COL28A1: variants seen among roughly 807,000 people sequenced by gnomAD.
The protein encoded by COL28A1 is collagen alpha-1(XXVIII) chain.
Under a neutral mutation model 150.2 loss-of-function variants are expected in COL28A1, and 161 were observed. The ratio of observed to expected loss-of-function variants is 1.07; its 90% CI spans 0.94 to 1.22. The LOEUF is 1.22. Among genes scored for constraint, COL28A1 ranks in the 50% most tolerant of loss-of-function variants. The pLI is 0.00. For synonymous variants in COL28A1, 552 were observed against 469.7 expected (o/e 1.18, Z -2.26); for missense variants, 1,617 against 1,388.3 (o/e 1.16, Z -2.62).
At chr7:7,454,582 A>C (rs1786990827) in intron 16 of COL28A1, among the ~76,000 whole-genome samples, 1 of 152,132 alleles carries the variant, frequency 6.6e-6, no homozygotes, top group South Asian at 2.1e-4. Flanking sequence ...GCTGAAGAAC[A>C]ACAACCTCCA....
At chr7:7,391,689 A>G (rs138405161) in intron 27 of COL28A1, among the ~76,000 whole-genome samples, 1 of 152,026 alleles carries the variant, frequency 6.6e-6, no homozygotes, top group Non-Finnish European at 1.5e-5. Flanking sequence ...TATTTAGGTT[A>G]GCTCTTCATG....
In COL28A1 at chr7:7,417,237, G is replaced by A. The variant is rs1391391601; in HGVS notation, c.2136+622C>T. Among the ~76,000 whole-genome samples, 3 of 151,894 alleles carry A rather than the reference G, an allele frequency of 2.0e-5. No homozygotes were observed. The East Asian group carries it at 5.8e-4, about 29-fold the overall frequency. On this transcript the variant is annotated intron_variant, in intron 27 of 34. Coordinates refer to ENST00000399429, the MANE Select transcript of COL28A1 (RefSeq NM_001037763.3). The stretch of plus-strand genomic sequence containing the variant: ...TTGTTGCTGCTGACGCAGAAGCAAA[G>A]TGACATGCAGATGGCTATGAATTCC...
At chr7:7,392,257 G>A (rs2128294673) in intron 27 of COL28A1, among the ~76,000 whole-genome samples, 1 of 152,296 alleles carries the variant, frequency 6.6e-6, no homozygotes, top group East Asian at 1.9e-4. Flanking sequence ...GGCTGGATAT[G>A]AAATTCTGGG....
intron 9 of COL28A1, among the ~76,000 whole-genome samples, chr7:7,509,863 G>A (rs534616500): frequency 9.7e-4 from 147 of 152,242 alleles, no homozygotes; most frequent in Non-Finnish European, 1.6e-3. Flanking sequence ...ACTCCAGGAA[G>A]AATCTATTCA....
intron 15 of COL28A1, among the ~76,000 whole-genome samples, chr7:7,457,157 G>A (rs1447469200): frequency 6.6e-6 from 1 of 152,146 alleles, no homozygotes; most frequent in African/African-American, 2.4e-5. Context: ...GTAAGGACTT[G>A]GCTATCCTCT....
At chr7:7,425,853 G>C (rs961298318) in intron 25 of COL28A1, among the ~76,000 whole-genome samples, 2 of 152,130 alleles carry the variant, frequency 1.3e-5, no homozygotes, top group African/African-American at 4.8e-5. Context: ...AAGGTTTCAA[G>C]GTGGAGCAGT....
rs1219194818 is a variant in COL28A1 at position 7,373,560 on chromosome 7, G to A, written c.2360-14C>T. 1.3e-6 allele frequency: 2 copies of A among 1,594,816 alleles called. No homozygotes were observed. Among genetic ancestry groups the A allele is most frequent in the Admixed American group, 3.4e-5 (2 of 58,842 alleles). On this transcript the variant is annotated splice_polypyrimidine_tract_variant and intron_variant, in intron 31 of 34. Coordinates refer to ENST00000399429, the MANE Select transcript of COL28A1 (RefSeq NM_001037763.3). The surrounding 1 kb of genome is among the most constrained non-coding windows in gnomAD (Gnocchi z 4.1). ...TGGGCCCACAACCTAAAAGATGAAT[G>A]TTGAGAGAGAAAAATTGTGGGAATG...
chr7:7,412,346 G>A (rs1434395254), intron 27 of COL28A1, among the ~76,000 whole-genome samples: 2 of 152,086 alleles, frequency 1.3e-5, no homozygotes, highest in African/African-American at 4.8e-5. Context: ...ACATTGGACG[G>A]TTATGTGAGC....
intron 18 of COL28A1, among the ~76,000 whole-genome samples, chr7:7,448,736 G>T (rs933601289): frequency 6.6e-6 from 1 of 151,810 alleles, no homozygotes; most frequent in African/African-American, 2.4e-5. Context: ...TAAATAAATT[G>T]TGGTATATCC....
intron 27 of COL28A1, among the ~76,000 whole-genome samples, chr7:7,398,464 T>C (rs1782973385): frequency 2.0e-5 from 3 of 152,230 alleles, no homozygotes; most frequent in African/African-American, 7.2e-5. Flanking sequence ...GATTGCTTCA[T>C]GGATACATGC....
chr7:7,542,264 C>T, the COL28A1 span, among the ~76,000 whole-genome samples: 1,046 of 152,286 alleles, frequency 6.9e-3, 11 homozygotes, highest in East Asian at 0.014. Context: ...AGGAGAATTG[C>T]TTGAACCAGT....
intron 13 of COL28A1, among the ~76,000 whole-genome samples, chr7:7,485,742 G>A (rs1023052041): frequency 6.6e-6 from 1 of 152,110 alleles, no homozygotes; most frequent in South Asian, 2.1e-4. Context: ...CTATTGGATT[G>A]CTTTCACAAT....
intron 27 of COL28A1, among the ~76,000 whole-genome samples, chr7:7,400,975 G>GGTGGGT (rs1554264683): frequency 7.6e-5 from 9 of 119,128 alleles, no homozygotes; most frequent in Admixed American, 4.4e-4. Context: ...TGGGTATTTG[G>GGTGGGT]GTGTGTGTGT....
intron 11 of COL28A1, among the ~76,000 whole-genome samples, chr7:7,499,644 T>C (rs894511327): frequency 9.2e-5 from 14 of 152,154 alleles, no homozygotes; most frequent in Admixed American, 7.2e-4. Context: ...TGTTAGGAAA[T>C]TGTTAGGTTT....
At chr7:7,397,955 T>G (rs17456602) in intron 27 of COL28A1, among the ~76,000 whole-genome samples, 4,515 of 152,324 alleles carry the variant, frequency 0.03, 106 homozygotes, top group Non-Finnish European at 0.047. Flanking sequence ...TATTTTTGCA[T>G]TTGCCTCAGA....
At chr7:7,535,007 C>T (rs956241314) in intron 1 of COL28A1, among the ~76,000 whole-genome samples, 1 of 152,100 alleles carries the variant, frequency 6.6e-6, no homozygotes, top group African/African-American at 2.4e-5. Flanking sequence ...TGAGAGCCCA[C>T]TCATTTCTAA....
intron 12 of COL28A1, 109 bp from the exon 13 acceptor site, chr7:7,489,566 A>C: frequency 1.4e-6 from 1 of 714,032 alleles, no homozygotes; most frequent in Non-Finnish European, 2.4e-6. Context: ...AATAGACAAA[A>C]TGTTGGTTTT....
At chr7:7,417,009 T>A (rs1462875990) in intron 27 of COL28A1, among the ~76,000 whole-genome samples, 4 of 151,686 alleles carry the variant, frequency 2.6e-5, no homozygotes, top group Non-Finnish European at 4.4e-5. Context: ...TATATATATA[T>A]AAATGTATGT....
intron 27 of COL28A1, among the ~76,000 whole-genome samples, chr7:7,391,167 G>C (rs1782520131): frequency 6.6e-6 from 1 of 152,098 alleles, no homozygotes; most frequent in Non-Finnish European, 1.5e-5. Flanking sequence ...AGAGATTCTG[G>C]TACCTTGTAT....
Sources: allele counts gnomAD v4.1 joint callset (sites outside exome capture counted in the v4.1 genomes callset), GRCh38; gene constraint gnomAD v4.1.1; non-coding constraint Gnocchi (gnomAD v3.1); transcripts MANE v1.5; gene names NCBI Gene and HGNC (gene_info 2026-07-23, HGNC 2026-07-21).